Variants in GALNT2 observed in about 807,000 individuals in gnomAD.
GALNT2 encodes the protein polypeptide N-acetylgalactosaminyltransferase 2.
A neutral mutation model predicts 81.4 loss-of-function variants in GALNT2; 31 were observed. The ratio of observed to expected loss-of-function variants is 0.38; its 90% CI spans 0.29 to 0.51. The LOEUF is 0.51. GALNT2 is among the 20% of genes least tolerant of loss of function. GALNT2 has a pLI of 0.87. For synonymous variants in GALNT2, 303 were observed against 287.4 expected, an observed-to-expected ratio of 1.05 and a Z score of -0.55; for missense variants, 629 against 765.7, an observed-to-expected ratio of 0.82 and a Z score of 2.11.
intron 14 of GALNT2, among the ~76,000 whole-genome samples, chr1:230,273,373 A>G (rs976155618): frequency 3.3e-5 from 5 of 152,242 alleles, no homozygotes; most frequent in South Asian, 2.1e-4. Context: ...ACAGACAGAC[A>G]GACGGAGGGG....
At chr1:230,221,806 T>C (rs1664554542) in intron 3 of GALNT2, among the ~76,000 whole-genome samples, 2 of 152,150 alleles carry the variant, frequency 1.3e-5, no homozygotes. Context: ...CTTGAATTAA[T>C]TTGATTTATA....
At chr1:230,249,093 C>A in intron 8 of GALNT2, 91 bp from the exon 9 acceptor site, 2 of 1,266,288 alleles carry the variant, frequency 1.6e-6, no homozygotes, top group Non-Finnish European at 2.3e-6. Flanking sequence ...TCTGTCCAAA[C>A]ATCGAATATT....
chr1:230,247,563 A>T (rs1437255109), intron 8 of GALNT2, among the ~76,000 whole-genome samples: 2 of 152,214 alleles, frequency 1.3e-5, no homozygotes, highest in East Asian at 3.8e-4. Flanking sequence ...ATTAAAGAGG[A>T]GGGATCCTTA....
In GALNT2 at chr1:230,275,023, T is replaced by C. The variant is rs1220303822; in HGVS notation, c.1560+459T>C. Among the ~76,000 whole-genome samples, 1 of 151,554 alleles carries C rather than the reference T, an allele frequency of 6.6e-6. No individual in the cohort carries two copies. Among genetic ancestry groups the C allele is most frequent in the Non-Finnish European group, 1.5e-5 (1 of 67,856 alleles). ...TATACATGCCACATATATACATATA[T>C]ACACGCCACATATATACACATATAT... On this transcript the variant is annotated intron_variant, in intron 15 of 15. Coordinates refer to ENST00000366672, the MANE Select transcript of GALNT2 (RefSeq NM_004481.5). The surrounding 1 kb of genome is among the most constrained non-coding windows in gnomAD (Gnocchi z 5.5).
At position 230,275,173 on chromosome 1, in the gene GALNT2, C is replaced by T. The variant is rs1393436482; in HGVS notation, c.1560+609C>T. Among the ~76,000 whole-genome samples, 1 of 150,566 alleles carries T rather than the reference C, an allele frequency of 6.6e-6. No individual in the cohort carries two copies. Among genetic ancestry groups the T allele is most frequent in the Admixed American group, 6.6e-5 (1 of 15,116 alleles). ...TACACACCACATATACATATACCTG[C>T]CACATATATACATATATAAACACCA... On this transcript the variant is annotated intron_variant, in intron 15 of 15. Transcript: ENST00000366672. The surrounding 1 kb of genome is among the most constrained non-coding windows in gnomAD (Gnocchi z 5.5).
intron 11 of GALNT2, among the ~76,000 whole-genome samples, chr1:230,261,521 G>A (rs1558166910): frequency 1.3e-5 from 2 of 152,206 alleles, no homozygotes; most frequent in East Asian, 1.9e-4. Context: ...CAGAATATGG[G>A]AGCAAAGAGG....
chr1:230,104,949 G>A (rs907233151), intron 1 of GALNT2, among the ~76,000 whole-genome samples: 1 of 152,210 alleles, frequency 6.6e-6, no homozygotes. Context: ...GAATCAGAGT[G>A]GGGGAAAGTG....
At chr1:230,272,521 A>G (rs986997779) in intron 14 of GALNT2, among the ~76,000 whole-genome samples, 3 of 152,144 alleles carry the variant, frequency 2.0e-5, no homozygotes, top group Admixed American at 6.5e-5. Context: ...TGTGAGGAAC[A>G]CTAATTAAAA....
intron 1 of GALNT2, among the ~76,000 whole-genome samples, chr1:230,159,309 A>G (rs1662359445): frequency 1.3e-5 from 2 of 152,106 alleles, no homozygotes; most frequent in Non-Finnish European, 2.9e-5. Flanking sequence ...CACGAAGGCA[A>G]AGCCTTCTAC....
intron 14 of GALNT2, among the ~76,000 whole-genome samples, chr1:230,266,965 C>T (rs1666052766): frequency 1.3e-5 from 2 of 150,752 alleles, no homozygotes; most frequent in Admixed American, 1.3e-4. Flanking sequence ...TATGAGTGTG[C>T]TTCCAGTGCC....
At chr1:230,094,708 T>C (rs555125799) in intron 1 of GALNT2, among the ~76,000 whole-genome samples, 12 of 152,274 alleles carry the variant, frequency 7.9e-5, no homozygotes, top group South Asian at 6.2e-4. Context: ...AGGGTGTATG[T>C]AGTAGAATTA....
At chr1:230,079,561 G>C (rs1171981956) in intron 1 of GALNT2, among the ~76,000 whole-genome samples, 4 of 152,236 alleles carry the variant, frequency 2.6e-5, no homozygotes, top group Non-Finnish European at 5.9e-5. Context: ...GCTATAGTTC[G>C]TGAAACATCA....
intron 1 of GALNT2, among the ~76,000 whole-genome samples, chr1:230,062,117 A>C (rs1234126400): frequency 3.9e-5 from 6 of 152,164 alleles, no homozygotes; most frequent in African/African-American, 1.4e-4. Flanking sequence ...TGGGAGGATA[A>C]ATAGTATGTT....
intron 1 of GALNT2, among the ~76,000 whole-genome samples, chr1:230,107,646 T>TGTGTGTGTGTG (rs1356238842): frequency 1.5e-4 from 14 of 91,366 alleles, no homozygotes; most frequent in African/African-American, 5.5e-4. Context: ...GTGTGTGTGG[T>TGTGTGTGTGTG]TGGTTGGTTG....
intron 1 of GALNT2, among the ~76,000 whole-genome samples, chr1:230,074,099 T>A (rs1017545843): frequency 6.2e-3 from 12 of 1,926 alleles, no homozygotes; most frequent in East Asian, 0.038. Context: ...TTTGGCTGGC[T>A]TTTTTTTTTT....
chr1:230,074,715 A>T (rs1659481326), intron 1 of GALNT2, among the ~76,000 whole-genome samples: 1 of 152,222 alleles, frequency 6.6e-6, no homozygotes, highest in Non-Finnish European at 1.5e-5. Flanking sequence ...TTTAATTTTC[A>T]AAATTTAATA....
chr1:230,217,809 T>C (rs1664436220), intron 3 of GALNT2, among the ~76,000 whole-genome samples: 1 of 152,190 alleles, frequency 6.6e-6, no homozygotes, highest in African/African-American at 2.4e-5. Context: ...TTAAGCCCTT[T>C]TAAAGGGTCT....
At chr1:230,144,648 G>T (rs1661857374) in intron 1 of GALNT2, among the ~76,000 whole-genome samples, 1 of 152,192 alleles carries the variant, frequency 6.6e-6, no homozygotes, top group Admixed American at 6.5e-5. Context: ...ATGCCTGTGT[G>T]TGTGTGGTGG....
intron 12 of GALNT2, 53 bp from the exon 13 acceptor site, chr1:230,262,869 A>G: frequency 6.5e-7 from 1 of 1,548,502 alleles, no homozygotes; most frequent in Non-Finnish European, 8.9e-7. Flanking sequence ...TTGATGTAGA[A>G]AGCCCATCTA....
Sources: allele counts gnomAD v4.1 joint callset (sites outside exome capture counted in the v4.1 genomes callset), GRCh38; gene constraint gnomAD v4.1.1; non-coding constraint Gnocchi (gnomAD v3.1); transcripts MANE v1.5; gene names NCBI Gene and HGNC (gene_info 2026-07-23, HGNC 2026-07-21).